KIF1C: variants seen among roughly 807,000 people sequenced by gnomAD.
KIF1C encodes kinesin family member 1C, also known as kinesin-like protein KIF1C.
KIF1C carries 61 observed loss-of-function variants against 126.5 expected under a neutral mutation model. The observed-to-expected ratio is 0.48, with a 90% CI of 0.39 to 0.60. KIF1C has a LOEUF of 0.60. Ranked by LOEUF, KIF1C falls within the 20% of genes least tolerant of loss-of-function variation. The probability of loss-of-function intolerance (pLI) is 0.00; values close to 1 mark genes in which losing one functional copy is unlikely to be tolerated. For missense variants in KIF1C, 1,315 were observed against 1,489.2 expected, an observed-to-expected ratio of 0.88 and a Z score of 1.93; for synonymous variants, 640 against 580.6, an observed-to-expected ratio of 1.10 and a Z score of -1.47.
chr17:5,016,183 G>T (rs1384012797), intron 18 of KIF1C, among the ~76,000 whole-genome samples: 1 of 151,368 alleles, frequency 6.6e-6, no homozygotes, highest in African/African-American at 2.4e-5. Context: ...TGTCGTCCAG[G>T]CTGGAGTGCA....
chr17:5,001,075 G>C lies in KIF1C; in HGVS notation c.184-147G>C, dbSNP rs1974578266. 14 of 939,246 alleles carry C rather than the reference G, an allele frequency of 1.5e-5. No individual in the cohort carries two copies. The South Asian group carries it at 2.1e-4, about 14-fold the overall frequency. 58.2% of individuals were successfully genotyped at this position (939,246 alleles called of 1,614,324 possible). On this transcript the variant is annotated intron_variant, in intron 4 of 22. Coordinates refer to ENST00000320785, the MANE Select transcript of KIF1C (RefSeq NM_006612.6). ...TAGCAGGGGCTGGATAGGATCCTTG[G>C]GGTGGTAAGGACAATGATGAGGGTG...
At position 5,007,083 on chromosome 17, in the gene KIF1C, A is replaced by C. The variant is rs1448349099; in HGVS notation, c.1334A>C (p.Gln445Pro). The C allele has an allele frequency of 6.3e-7, 1 of 1,586,290 alleles. No homozygotes were observed. The highest frequency in any genetic ancestry group is 2.2e-5 in the East Asian group (1 of 44,666). The stretch of plus-strand genomic sequence containing the variant: ...CCTGAGGAAGCCATGGAGAGGCTGC[A>C]GGTGGGAAGCTGGAGCTGGCAAGGG... ...IGPEEAMERL[Q>P]ETEKIIAELN... Residue 445 changes from glutamine (Q) to proline (P), a missense_variant and splice_region_variant, in exon 14 of 23, where the codon CAG (glutamine) becomes CCG (proline). Around this residue, in one of 2 missense-constraint regions of KIF1C, gnomAD observed 874 missense variants for 1,053.2 expected, o/e 0.83. Transcript: ENST00000320785.
chr17:5,009,788 A>G (rs79208241), intron 16 of KIF1C, among the ~76,000 whole-genome samples: 1 of 146,476 alleles, frequency 6.8e-6, no homozygotes, highest in African/African-American at 2.5e-5. Context: ...CTCTGTCTCA[A>G]AAAAAAAAAA....
At chr17:5,011,622 GA>G (rs1321570568) in intron 16 of KIF1C, 2 of 152,300 alleles carry the variant, frequency 1.3e-5, no homozygotes, top group African/African-American at 2.4e-5. Context: ...GAGCAGGCCT[GA>G]CACTGCAGTG....
chr17:5,024,170 A>AG lies in KIF1C; in HGVS notation c.*22dup. The AG allele has an allele frequency of 3.2e-6, 5 of 1,573,790 alleles. No individual in the cohort carries two copies. Among genetic ancestry groups the AG allele is most frequent in the Admixed American group, 1.8e-5 (1 of 54,342 alleles). On this transcript the variant is annotated 3_prime_UTR_variant, in exon 23 of 23. Coordinates refer to ENST00000320785, the MANE Select transcript of KIF1C (RefSeq NM_006612.6). ...TGTGTGAGTCCCACATCCTGGGCAG[A>AG]GGGCCTGGTGGGGCCCCTTGCTAGG...
At chr17:5,010,992 C>T (rs935541948) in intron 16 of KIF1C, among the ~76,000 whole-genome samples, 1 of 151,746 alleles carries the variant, frequency 6.6e-6, no homozygotes, top group African/African-American at 2.4e-5. Flanking sequence ...TTGAACCATA[C>T]CAATTTATAC....
At chr17:5,007,192 G>C in intron 14 of KIF1C, 71 bp from the exon 15 acceptor site, 1 of 1,571,682 alleles carries the variant, frequency 6.4e-7, no homozygotes, top group Middle Eastern at 1.7e-4. Flanking sequence ...CATGGCCCCA[G>C]GGTAGGTTGT....
intron 12 of KIF1C, 103 bp downstream of exon 12, chr17:5,004,748 G>A (rs947980651): frequency 8.8e-6 from 14 of 1,588,068 alleles, no homozygotes; most frequent in African/African-American, 4.0e-5. Context: ...GGGAGATGCC[G>A]GAGCCTTGCC....
In KIF1C at chr17:5,019,978, C is replaced by T. The variant is rs1217709696; in HGVS notation, c.1667-18C>T. On this transcript the variant is annotated intron_variant, in intron 18 of 22. Transcript: ENST00000320785. ...CTCCAGGGTCTAATCTTTCCCCTTC[C>T]TCTGCCCCTCCATTCAGTGGTGGTC... is the stretch of plus-strand genomic sequence containing the variant. 46 of 1,585,060 alleles carry T rather than the reference C, an allele frequency of 2.9e-5. No homozygotes were observed. The highest frequency in any genetic ancestry group is 4.0e-5 in the Non-Finnish European group (46 of 1,163,180).
chr17:5,023,408 A>C lies in KIF1C; in HGVS notation c.2629-60A>C. On this transcript the variant is annotated intron_variant, in intron 22 of 22. Coordinates refer to ENST00000320785, the MANE Select transcript of KIF1C (RefSeq NM_006612.6). The surrounding 1 kb of genome is among the most constrained non-coding windows in gnomAD (Gnocchi z 4.2). ...CACTCCAGGTCCCTCTTGAATCCACATGTCCTGAGGATTCAGCTCTCCTCA... is the reference window on the plus strand; with the variant it reads ...CACTCCAGGTCCCTCTTGAATCCACCTGTCCTGAGGATTCAGCTCTCCTCA... The C allele has an allele frequency of 2.1e-6, 3 of 1,424,812 alleles. No homozygotes were observed. Among genetic ancestry groups the C allele is most frequent in the Non-Finnish European group, 2.9e-6 (3 of 1,024,746 alleles). 88.3% of individuals were successfully genotyped at this position (1,424,812 alleles called of 1,614,324 possible).
intron 16 of KIF1C, among the ~76,000 whole-genome samples, chr17:5,012,906 G>C (rs1240344148): frequency 6.6e-6 from 1 of 151,448 alleles, no homozygotes; most frequent in East Asian, 2.0e-4. Context: ...CGGGTTTTCA[G>C]CACAGAGCAG....
Position 5,026,585 on chromosome 17 carries a change from A to G in KIF1C, c.*2434A>G, listed in dbSNP as rs78128547. 1,207 of 153,678 alleles carry G rather than the reference A, an allele frequency of 7.9e-3. 11 individuals carry two copies. The highest frequency in any genetic ancestry group is 0.028 in the African/African-American group (1,131 of 39,834). The allele number at this position is 153,678 out of a possible 1,614,324, so 9.5% of individuals were successfully genotyped here. ...GGCAACATAGTGAAACCCTGTATCTACAAAACATAGAAAAACTAGTTGGGT... is the reference window on the plus strand; with the variant it reads ...GGCAACATAGTGAAACCCTGTATCTGCAAAACATAGAAAAACTAGTTGGGT... On this transcript the variant is annotated 3_prime_UTR_variant, in exon 23 of 23. Coordinates refer to ENST00000320785, the MANE Select transcript of KIF1C (RefSeq NM_006612.6).
At position 5,020,415 on chromosome 17, in the gene KIF1C, T is replaced by TTC; in HGVS notation, c.1751-73_1751-72dup. On this transcript the variant is annotated intron_variant, in intron 19 of 22. Transcript: ENST00000320785. This position sits in a 1 kb window ranked among gnomAD's most constrained non-coding sequence, Gnocchi z 5.8. Reference sequence around the variant, plus strand: ...AGGGTGTCACAGCCCCTGTGCCAGATTCTCTATGCCTTGGGTGTAGGGATG... The same window carrying TTC: ...AGGGTGTCACAGCCCCTGTGCCAGATTCTCTCTATGCCTTGGGTGTAGGGATG... The TTC allele has an allele frequency of 7.1e-7, 1 of 1,416,332 alleles. No individual in the cohort carries two copies. The highest frequency in any genetic ancestry group is 9.6e-7 in the Non-Finnish European group (1 of 1,039,854). The allele number at this position is 1,416,332 out of a possible 1,614,324, so 87.7% of individuals were successfully genotyped here.
chr17:5,017,156 G>A (rs1974987997), intron 18 of KIF1C, among the ~76,000 whole-genome samples: 1 of 152,136 alleles, frequency 6.6e-6, no homozygotes, highest in Non-Finnish European at 1.5e-5. Context: ...AGCAGAGCCA[G>A]CCCATGGGCA....
intron 18 of KIF1C, 56 bp downstream of exon 18, chr17:5,014,893 C>T (rs1230532313): frequency 2.2e-6 from 3 of 1,395,238 alleles, no homozygotes; most frequent in South Asian, 2.5e-5. Context: ...CATGTTCCAC[C>T]CCACACACTG....
intron 16 of KIF1C, among the ~76,000 whole-genome samples, chr17:5,009,868 A>G (rs191614555): frequency 1.3e-3 from 194 of 152,050 alleles, no homozygotes; most frequent in Non-Finnish European, 2.2e-3. Context: ...TATGTTATAT[A>G]GAACTATACA....
chr17:5,013,292 C>T (rs543033209), intron 16 of KIF1C, among the ~76,000 whole-genome samples: 13 of 152,108 alleles, frequency 8.5e-5, no homozygotes, highest in South Asian at 6.2e-4. Flanking sequence ...GCAGGGGGTC[C>T]GGGGCTTCTG....
In KIF1C at chr17:5,007,679, C is replaced by A. The variant is rs919759125; in HGVS notation, c.1491+137C>A. 4 of 582,588 alleles carry A rather than the reference C, an allele frequency of 6.9e-6. No homozygotes were observed. The South Asian group carries it at 1.3e-4, about 19-fold the overall frequency. 36.1% of individuals were successfully genotyped at this position (582,588 alleles called of 1,614,324 possible). On this transcript the variant is annotated intron_variant, in intron 16 of 22. Coordinates refer to ENST00000320785, the MANE Select transcript of KIF1C (RefSeq NM_006612.6). ...GGCTTGTCCCTCCATCATTTCTGTC[C>A]CCTCCCCTGCCACCTCCTCTCCGTC...
In KIF1C at chr17:5,003,985, T is replaced by G; in HGVS notation, c.865-13T>G. 6.2e-7 allele frequency: 1 copy of G among 1,613,322 alleles called. No individual in the cohort carries two copies. The highest frequency in any genetic ancestry group is 8.5e-7 in the Non-Finnish European group (1 of 1,179,332). On this transcript the variant is annotated splice_polypyrimidine_tract_variant and intron_variant, in intron 10 of 22. Coordinates refer to ENST00000320785, the MANE Select transcript of KIF1C (RefSeq NM_006612.6). ...TGACCCACCCTAACCTCCTTCCTCC[T>G]TTTATCCCCCAGCAATCAAAGAAGC...
Sources: allele counts gnomAD v4.1 joint callset (sites outside exome capture counted in the v4.1 genomes callset), GRCh38; gene constraint gnomAD v4.1.1; regional missense constraint gnomAD v4.1.1; non-coding constraint Gnocchi (gnomAD v3.1); transcripts MANE v1.5; gene names NCBI Gene and HGNC (gene_info 2026-07-23, HGNC 2026-07-21).